SLC2A13: variants seen among roughly 807,000 people sequenced by gnomAD.
SLC2A13 encodes the protein solute carrier family 2 member 13.
A neutral mutation model predicts 64.4 loss-of-function variants in SLC2A13; 32 were observed. The observed-to-expected ratio is 0.50, with a 90% CI of 0.37 to 0.67. The LOEUF is 0.67. Ranked by LOEUF, SLC2A13 falls within the 30% of genes least tolerant of loss-of-function variation. The pLI is 0.00. For missense variants in SLC2A13, 743 were observed against 829.2 expected (o/e 0.90, Z 1.28); for synonymous variants, 338 against 327.1 (o/e 1.03, Z -0.36).
chr12:39,857,544 CT>C (rs1943639526), intron 6 of SLC2A13, among the ~76,000 whole-genome samples: 1 of 152,204 alleles, frequency 6.6e-6, no homozygotes, highest in Non-Finnish European at 1.5e-5. Context: ...CTACTAAGTT[CT>C]TTTAACCTTT....
At chr12:39,880,552 AC>A (rs901088667) in intron 4 of SLC2A13, among the ~76,000 whole-genome samples, 1 of 152,242 alleles carries the variant, frequency 6.6e-6, no homozygotes, top group African/African-American at 2.4e-5. Flanking sequence ...AAGCAATGAT[AC>A]AAAAATCATA....
chr12:39,888,490 G>T (rs1431031297), intron 4 of SLC2A13, among the ~76,000 whole-genome samples: 1 of 152,214 alleles, frequency 6.6e-6, no homozygotes, highest in Non-Finnish European at 1.5e-5. Context: ...CTCCCAAAGT[G>T]TTGGGATTAC....
In SLC2A13 at chr12:39,755,651, C is replaced by G. The variant is rs190548889; in HGVS notation, c.*4375G>C. 355 of 152,084 alleles carry G rather than the reference C, an allele frequency of 2.3e-3. 2 individuals carry two copies. Among genetic ancestry groups the G allele is most frequent in the Non-Finnish European group, 4.0e-3 (274 of 67,860 alleles). 9.4% of individuals were successfully genotyped at this position (152,084 alleles called of 1,614,324 possible). ...GTTGGTTACTCATTAGCTGCATGAT[C>G]CACTTCTTTTTCTCATTTATGCTGA... On this transcript the variant is annotated 3_prime_UTR_variant, in exon 10 of 10. Transcript: ENST00000280871.
intron 3 of SLC2A13, among the ~76,000 whole-genome samples, chr12:39,973,196 CA>C (rs1196176964): frequency 2.6e-5 from 4 of 152,208 alleles, no homozygotes; most frequent in African/African-American, 4.8e-5. Context: ...TCAAGCTCTC[CA>C]ACTACCTCTA....
At chr12:40,104,979 C>G (rs749837082) in intron 1 of SLC2A13, among the ~76,000 whole-genome samples, 8 of 152,284 alleles carry the variant, frequency 5.3e-5, no homozygotes, top group African/African-American at 7.2e-5. Flanking sequence ...GAGGCAACAA[C>G]CACTTGGACT....
intron 7 of SLC2A13, among the ~76,000 whole-genome samples, chr12:39,826,282 A>C (rs978122381): frequency 1.3e-5 from 2 of 151,802 alleles, no homozygotes; most frequent in African/African-American, 4.8e-5. Flanking sequence ...GTACTTATCT[A>C]ATTTTTTCTT....
chr12:39,928,565 T>C (rs1205279542), intron 4 of SLC2A13, among the ~76,000 whole-genome samples: 1 of 152,234 alleles, frequency 6.6e-6, no homozygotes, highest in Non-Finnish European at 1.5e-5. Context: ...AACATTTTTA[T>C]TTCAGAAAAG....
intron 4 of SLC2A13, among the ~76,000 whole-genome samples, chr12:39,943,204 G>T (rs542519104): frequency 1.1e-4 from 16 of 152,296 alleles, no homozygotes; most frequent in Admixed American, 9.1e-4. Flanking sequence ...CTGCTGGGAG[G>T]TGTCTCCCAG....
At chr12:39,978,446 G>C (rs1288563336) in intron 3 of SLC2A13, among the ~76,000 whole-genome samples, 1 of 152,190 alleles carries the variant, frequency 6.6e-6, no homozygotes, top group African/African-American at 2.4e-5. Flanking sequence ...CAGACAGTGG[G>C]CGCAGGCCAG....
Position 39,856,839 on chromosome 12 carries a change from G to A in SLC2A13, c.1319+7923C>T, listed in dbSNP as rs185026201. Among the ~76,000 whole-genome samples, 86 of 152,236 alleles carry A rather than the reference G, an allele frequency of 5.6e-4. 1 individual carries two copies. Among genetic ancestry groups the A allele is most frequent in the South Asian group, 2.7e-3 (13 of 4,820 alleles). ...AAGTGTTAATAGCTGAATTGTTTTC[G>A]TTTCATACAAACTTAATTAAAGAAT... On this transcript the variant is annotated intron_variant, in intron 6 of 9. Transcript: ENST00000280871.
At chr12:40,041,802 G>A (rs1032738310) in intron 2 of SLC2A13, among the ~76,000 whole-genome samples, 5 of 152,354 alleles carry the variant, frequency 3.3e-5, no homozygotes, top group East Asian at 1.9e-4. Flanking sequence ...CATCACTGCC[G>A]TAGTGATCTT....
rs1944071532 is a variant in SLC2A13, at chr12:39,872,081, C to G, written c.1035-120G>C. 7.0e-6 allele frequency: 5 copies of G among 713,488 alleles called. No homozygotes were observed. In the East Asian group the frequency reaches 1.6e-4, roughly 23 times the overall value. 44.2% of individuals were successfully genotyped at this position (713,488 alleles called of 1,614,324 possible). Reference sequence around the variant, plus strand: ...ATAAGGAGAACTACAGTAATAACATCAAATTAACGTGGGAATTCATGCAAG... The same window carrying G: ...ATAAGGAGAACTACAGTAATAACATGAAATTAACGTGGGAATTCATGCAAG... On this transcript the variant is annotated intron_variant, in intron 4 of 9. Coordinates refer to ENST00000280871, the MANE Select transcript of SLC2A13 (RefSeq NM_052885.4).
chr12:39,907,078 G>A (rs936589068), intron 4 of SLC2A13, among the ~76,000 whole-genome samples: 3 of 152,026 alleles, frequency 2.0e-5, no homozygotes, highest in East Asian at 1.9e-4. Context: ...AAGTTTGACT[G>A]TATTTACATG....
intron 3 of SLC2A13, among the ~76,000 whole-genome samples, chr12:39,973,824 C>T (rs566462734): frequency 2.0e-5 from 3 of 152,308 alleles, no homozygotes; most frequent in Admixed American, 6.5e-5. Flanking sequence ...TCTTAGTAGG[C>T]TCTAATTTCC....
At chr12:40,034,832 T>C (rs191500963) in intron 2 of SLC2A13, among the ~76,000 whole-genome samples, 2 of 152,326 alleles carry the variant, frequency 1.3e-5, no homozygotes, top group Admixed American at 6.5e-5. Flanking sequence ...TGTATTGTGT[T>C]TGCTTGGAAA....
chr12:40,024,964 C>T (rs944670975), intron 3 of SLC2A13, among the ~76,000 whole-genome samples: 10 of 152,338 alleles, frequency 6.6e-5, no homozygotes, highest in Admixed American at 2.6e-4. Context: ...CCCACTCCAG[C>T]GAGCTCTCCA....
intron 3 of SLC2A13, among the ~76,000 whole-genome samples, chr12:39,970,657 T>C (rs1203615998): frequency 6.6e-6 from 1 of 152,214 alleles, no homozygotes; most frequent in Non-Finnish European, 1.5e-5. Flanking sequence ...AGTTCAATCT[T>C]TTGGTTTTAA....
intron 7 of SLC2A13, among the ~76,000 whole-genome samples, chr12:39,812,988 C>T (rs1276471479): frequency 9.0e-6 from 1 of 110,734 alleles, no homozygotes; most frequent in African/African-American, 3.3e-5. Flanking sequence ...TGACATCATG[C>T]CCAGCTAATT....
intron 7 of SLC2A13, chr12:39,819,903 T>C (rs1305212013): frequency 6.5e-6 from 1 of 152,936 alleles, no homozygotes; most frequent in Non-Finnish European, 1.5e-5. Flanking sequence ...TTTAATAGCA[T>C]GTAGCACAAT....
Sources: gnomAD v4.1 joint callset for allele counts (sites outside exome capture counted in the v4.1 genomes callset) on GRCh38, gnomAD v4.1.1 for gene constraint, MANE v1.5 for transcripts, NCBI Gene and HGNC (gene_info 2026-07-23, HGNC 2026-07-21) for gene names.